The following MICAL3 variants were observed in gnomAD, a reference collection of about 807,000 sequenced individuals.
MICAL3 encodes microtubule associated monooxygenase, calponin and LIM domain containing 3.
In MICAL3, 62 loss-of-function variants were observed where a neutral mutation model predicts 207.4. The observed-to-expected ratio is 0.30, with a 90% CI of 0.24 to 0.37. The LOEUF (loss-of-function observed/expected upper bound fraction) is 0.37. MICAL3 is among the 10% of genes least tolerant of loss of function. The pLI is 1.00. For missense variants in MICAL3, 2,368 were observed against 2,635.6 expected (o/e 0.90, Z 2.22); for synonymous variants, 1,077 against 1,069.3 (o/e 1.01, Z -0.14).
Position 17,831,998 on chromosome 22 carries a change from C to G in MICAL3, c.2911G>C (p.Ala971Pro), listed in dbSNP as rs761317092. The change falls in exon 21 of 32, where the codon GCC becomes CCC. Residue 971 changes from alanine (A) to proline (P), a missense_variant. This residue lies in a region of MICAL3 where 1,770 missense variants were observed against 1,863.2 expected (regional missense o/e 0.95). Transcript: ENST00000441493. The stretch of plus-strand genomic sequence containing the variant: ...TCTTCACTTTTCCCTTTCAGAAGGG[C>G]ATGGATCCGCACGGCCTCCTTCCAC... ...VPWKEAVRIH[A>P]LLKGKSEEEL... The G allele has an allele frequency of 3.1e-6, 5 of 1,605,768 alleles. No individual in the cohort carries two copies. Among genetic ancestry groups the G allele is most frequent in the Non-Finnish European group, 4.3e-6 (5 of 1,176,364 alleles).
chr22:17,820,266 A>G (rs1413130676), intron 25 of MICAL3, among the ~76,000 whole-genome samples: 1 of 152,132 alleles, frequency 6.6e-6, no homozygotes, highest in Non-Finnish European at 1.5e-5. Context: ...AGTATTTCCC[A>G]AACCATGTTC....
intron 16 of MICAL3, among the ~76,000 whole-genome samples, chr22:17,872,513 C>A (rs1927825767): frequency 6.6e-6 from 1 of 152,026 alleles, no homozygotes; most frequent in Non-Finnish European, 1.5e-5. Context: ...CTGAGGGTAG[C>A]TGTATCTGTA....
intron 21 of MICAL3, among the ~76,000 whole-genome samples, chr22:17,829,165 CTTT>C (rs11345969): frequency 2.4e-5 from 3 of 127,582 alleles, no homozygotes; most frequent in Admixed American, 7.8e-5. Flanking sequence ...GTGAATTTGC[CTTT>C]TTTTTTTTTT....
intron 16 of MICAL3, among the ~76,000 whole-genome samples, chr22:17,873,226 T>C (rs988471082): frequency 2.0e-5 from 3 of 152,162 alleles, no homozygotes; most frequent in African/African-American, 7.2e-5. Flanking sequence ...TGGGCTGCAT[T>C]CACAGAACTC....
intron 29 of MICAL3, among the ~76,000 whole-genome samples, chr22:17,801,901 A>G (rs926351899): frequency 6.6e-6 from 1 of 151,958 alleles, no homozygotes; most frequent in Non-Finnish European, 1.5e-5. Flanking sequence ...CTCAAAAAAA[A>G]CAAACAAACA....
At chr22:17,853,409 C>T (rs983727808) in intron 19 of MICAL3, among the ~76,000 whole-genome samples, 3 of 152,228 alleles carry the variant, frequency 2.0e-5, no homozygotes, top group Admixed American at 6.5e-5. Flanking sequence ...CCTAACCCCA[C>T]AGCAGGCACA....
Position 17,801,819 on chromosome 22 carries a change from G to A in MICAL3, c.5650+7025C>T, listed in dbSNP as rs187429837. Among the ~76,000 whole-genome samples the A allele has an allele frequency of 6.2e-4, 94 of 152,102 alleles. 1 individual carries two copies. Among genetic ancestry groups the A allele is most frequent in the African/African-American group, 1.9e-3 (80 of 41,498 alleles). On this transcript the variant is annotated intron_variant, in intron 29 of 31. Transcript: ENST00000441493. ...TGAGGCAGGAGAATCGCTTGAACCCGGGAGGCGGAGCTTGCAGTGAGCCAA... is the reference window on the plus strand; with the variant it reads ...TGAGGCAGGAGAATCGCTTGAACCCAGGAGGCGGAGCTTGCAGTGAGCCAA...
At chr22:17,831,832 G>C in intron 21 of MICAL3, 22 bp downstream of exon 21, 2 of 1,547,212 alleles carry the variant, frequency 1.3e-6, no homozygotes, top group Non-Finnish European at 1.7e-6. Context: ...GGCAGAGTTC[G>C]GAGCAGAGAT....
At chr22:17,891,686 CAG>C in intron 11 of MICAL3, 54 bp from the exon 12 acceptor site, 1 of 1,566,678 alleles carries the variant, frequency 6.4e-7, no homozygotes, top group Non-Finnish European at 8.8e-7. Flanking sequence ...GTAATGCTGA[CAG>C]AGAATCCTCT....
At chr22:18,010,270 C>T (rs922192879) in intron 1 of MICAL3, among the ~76,000 whole-genome samples, 8 of 150,762 alleles carry the variant, frequency 5.3e-5, no homozygotes, top group Non-Finnish European at 1.0e-4. Flanking sequence ...CCAAATCCTT[C>T]TCTTCGCTCC....
At chr22:17,809,203 CAG>C (rs979720836) in intron 28 of MICAL3, among the ~76,000 whole-genome samples, 25 of 152,354 alleles carry the variant, frequency 1.6e-4, no homozygotes, top group African/African-American at 6.0e-4. Context: ...AGGAGTGTTG[CAG>C]AGACAGGAAG....
chr22:17,919,076 G>GTGTTTTTTTTTT (rs1932720844), intron 1 of MICAL3, among the ~76,000 whole-genome samples: 1 of 136,504 alleles, frequency 7.3e-6, no homozygotes, highest in African/African-American at 3.0e-5. Context: ...GTTTTTGTGG[G>GTGTTTTTTTTTT]TTTTTTTTTT....
intron 16 of MICAL3, chr22:17,872,753 C>T (rs1927852400): frequency 6.2e-7 from 1 of 1,609,316 alleles, no homozygotes; most frequent in Non-Finnish European, 8.5e-7. Flanking sequence ...TTACCAGTTC[C>T]TTCTTGTCTA....
At chr22:17,881,111 G>A (rs987033119) in intron 16 of MICAL3, 2 of 1,055,232 alleles carry the variant, frequency 1.9e-6, no homozygotes, top group Non-Finnish European at 1.4e-6. Flanking sequence ...GTTATTGCTG[G>A]TAAGAGGGAA....
At chr22:17,941,356 T>C (rs1387965002) in intron 1 of MICAL3, among the ~76,000 whole-genome samples, 1 of 152,178 alleles carries the variant, frequency 6.6e-6, no homozygotes, top group Non-Finnish European at 1.5e-5. Flanking sequence ...CAGTGGATAA[T>C]GATGATGGCA....
At chr22:17,832,240 GA>G in intron 20 of MICAL3, 133 bp from the exon 21 acceptor site, 1 of 1,198,184 alleles carries the variant, frequency 8.3e-7, no homozygotes, top group Non-Finnish European at 1.2e-6. Context: ...AGACAGGAGG[GA>G]GGAGAGAGCG....
chr22:17,853,093 A>G (rs1268668757), intron 19 of MICAL3, among the ~76,000 whole-genome samples: 2 of 151,770 alleles, frequency 1.3e-5, no homozygotes, highest in Admixed American at 1.3e-4. Context: ...AAAAAAAGGA[A>G]TATTTAGCTT....
chr22:17,901,789 A>G, intron 5 of MICAL3, 89 bp downstream of exon 5: 1 of 936,844 alleles, frequency 1.1e-6, no homozygotes, highest in Non-Finnish European at 1.6e-6. Context: ...AAAAGGGTGG[A>G]CGCTGGTCAC....
chr22:17,885,012 CATT>C (rs1449578764), intron 16 of MICAL3, among the ~76,000 whole-genome samples: 1 of 152,224 alleles, frequency 6.6e-6, no homozygotes, highest in African/African-American at 2.4e-5. Flanking sequence ...CTCCAGTTAT[CATT>C]GAGATTTATG....
Sources: gnomAD v4.1 joint callset for allele counts (sites outside exome capture counted in the v4.1 genomes callset) on GRCh38, gnomAD v4.1.1 for gene constraint, gnomAD v4.1.1 regional missense constraint, MANE v1.5 for transcripts, NCBI Gene and HGNC (gene_info 2026-07-23, HGNC 2026-07-21) for gene names.